The following GRIK2 variants were observed in gnomAD, a reference collection of about 807,000 sequenced individuals.
The protein encoded by GRIK2 is glutamate receptor ionotropic, kainate 2.
A neutral mutation model predicts 100.3 loss-of-function variants in GRIK2; 32 were observed. The observed-to-expected ratio is 0.32, with a 90% CI of 0.24 to 0.43. The LOEUF is 0.43. GRIK2 is among the 20% of genes least tolerant of loss of function. The pLI is 1.00. For missense variants in GRIK2, 843 were observed against 1,114.9 expected (o/e 0.76, Z 3.47); for synonymous variants, 417 against 389.4 (o/e 1.07, Z -0.83).
At chr6:101,501,676 C>T (rs1773750696) in intron 2 of GRIK2, among the ~76,000 whole-genome samples, 1 of 152,190 alleles carries the variant, frequency 6.6e-6, no homozygotes, top group Admixed American at 6.5e-5. Context: ...GTAGAAAGAA[C>T]TATAGTAACC....
chr6:101,968,197 A>G (rs989644911), intron 14 of GRIK2, among the ~76,000 whole-genome samples: 1 of 152,082 alleles, frequency 6.6e-6, no homozygotes, highest in Admixed American at 6.6e-5. Context: ...ATTTTATTCA[A>G]TTATTAATTA....
rs1789919133 is a variant in GRIK2 at position 101,926,565 on chromosome 6, T to A, written c.1867+1846T>A. On this transcript the variant is annotated intron_variant, in intron 13 of 16. Transcript: ENST00000369134. The stretch of plus-strand genomic sequence containing the variant: ...ACTTGCTATTAGTAGTATTTAGGAA[T>A]TAGAGGTAAAACTCTATGTTATTAT... 4.6e-5 allele frequency among the ~76,000 whole-genome samples: 7 copies of A among 152,308 alleles called. 1 individual carries two copies. The South Asian group carries it at 1.4e-3, about 32-fold the overall frequency.
intron 2 of GRIK2, among the ~76,000 whole-genome samples, chr6:101,569,708 CAAA>C (rs1278213232): frequency 2.0e-5 from 3 of 151,818 alleles, no homozygotes; most frequent in African/African-American, 7.3e-5. Context: ...TTAATTTAAA[CAAA>C]AACGCTAATT....
intron 5 of GRIK2, among the ~76,000 whole-genome samples, chr6:101,678,056 T>C (rs914988898): frequency 1.3e-4 from 20 of 152,148 alleles, no homozygotes; most frequent in Admixed American, 3.3e-4. Context: ...AAACAATTCC[T>C]GATCATGGTT....
intron 2 of GRIK2, among the ~76,000 whole-genome samples, chr6:101,475,357 GA>G (rs1562164388): frequency 6.6e-6 from 1 of 151,820 alleles, no homozygotes; most frequent in Non-Finnish European, 1.5e-5. Flanking sequence ...AGAGTCCACC[GA>G]AATGATGGAT....
In GRIK2 at chr6:101,546,110, A is replaced by G. The variant is rs117086880; in HGVS notation, c.116-75839A>G. Among the ~76,000 whole-genome samples, 461 of 152,304 alleles carry G rather than the reference A, an allele frequency of 3.0e-3. 15 individuals are homozygous for G. The East Asian group carries it at 0.04, about 13-fold the overall frequency. Reference sequence around the variant, plus strand: ...TTATTCACTTTTAGATTTCGACTCAAAAGTGCCTGGATTATTTCTGCCTAT... The same window carrying G: ...TTATTCACTTTTAGATTTCGACTCAGAAGTGCCTGGATTATTTCTGCCTAT... On this transcript the variant is annotated intron_variant, in intron 2 of 16. Transcript: ENST00000369134.
chr6:101,549,888 T>C (rs1020349332), intron 2 of GRIK2, among the ~76,000 whole-genome samples: 7 of 152,154 alleles, frequency 4.6e-5, no homozygotes, highest in Non-Finnish European at 1.5e-5. Flanking sequence ...GATAAGAAGA[T>C]ATGGAGTTGT....
chr6:101,719,670 A>C (rs1303832494), intron 7 of GRIK2, among the ~76,000 whole-genome samples: 3 of 152,014 alleles, frequency 2.0e-5, no homozygotes, highest in Admixed American at 2.0e-4. Context: ...GTGATTGCAC[A>C]TTATATGAAT....
chr6:101,534,797 CT>C (rs1775608428), intron 2 of GRIK2, among the ~76,000 whole-genome samples: 1 of 151,792 alleles, frequency 6.6e-6, no homozygotes, highest in African/African-American at 2.4e-5. Flanking sequence ...GTATTTTTCT[CT>C]GACAGAGAAT....
At chr6:101,417,093 G>T (rs962682761) in intron 2 of GRIK2, among the ~76,000 whole-genome samples, 1 of 152,204 alleles carries the variant, frequency 6.6e-6, no homozygotes, top group African/African-American at 2.4e-5. Flanking sequence ...CAATCATGGC[G>T]GAAGTTGAAG....
rs1793815921 is a variant in GRIK2 at position 101,983,126 on chromosome 6, A to G, written c.2086-52215A>G. ...ATCAACGAGCTTGAACTTTCAATTGATTTAATATGTACAGTAAACTGACAG... is the reference window on the plus strand; with the variant it reads ...ATCAACGAGCTTGAACTTTCAATTGGTTTAATATGTACAGTAAACTGACAG... On this transcript the variant is annotated intron_variant, in intron 14 of 16. Coordinates refer to ENST00000369134, the MANE Select transcript of GRIK2 (RefSeq NM_021956.5). 2.6e-5 allele frequency among the ~76,000 whole-genome samples: 4 copies of G among 151,826 alleles called. No individual in the cohort carries two copies. The Admixed American group carries it at 2.6e-4, about 10-fold the overall frequency.
At chr6:101,939,623 A>G (rs910896789) in intron 14 of GRIK2, among the ~76,000 whole-genome samples, 2 of 152,162 alleles carry the variant, frequency 1.3e-5, no homozygotes, top group Admixed American at 6.6e-5. Context: ...ATCTGTTTCC[A>G]TGTACACATT....
intron 2 of GRIK2, among the ~76,000 whole-genome samples, chr6:101,497,871 A>G (rs189518744): frequency 0.073 from 11,045 of 151,824 alleles, 490 homozygotes; most frequent in Middle Eastern, 0.12. Flanking sequence ...ATTTATTATT[A>G]TTATTATTAT....
intron 2 of GRIK2, among the ~76,000 whole-genome samples, chr6:101,432,053 G>T (rs756195013): frequency 2.0e-5 from 3 of 152,042 alleles, no homozygotes. Context: ...ATACTCTTGC[G>T]CATAATTAAG....
intron 7 of GRIK2, among the ~76,000 whole-genome samples, chr6:101,724,209 A>G (rs1774698247): frequency 6.6e-6 from 1 of 151,220 alleles, no homozygotes; most frequent in Non-Finnish European, 1.5e-5. Context: ...CTTTTATTTT[A>G]GATTCAGGGG....
intron 16 of GRIK2, among the ~76,000 whole-genome samples, chr6:102,056,220 A>G (rs896328718): frequency 3.9e-5 from 6 of 151,952 alleles, no homozygotes; most frequent in African/African-American, 9.7e-5. Context: ...AACTTCAAAA[A>G]TATTGAGGCT....
At chr6:101,464,521 TTTTTTTTTTTTTTTG>T (rs1771526666) in intron 2 of GRIK2, among the ~76,000 whole-genome samples, 1 of 95,318 alleles carries the variant, frequency 1.0e-5, no homozygotes, top group African/African-American at 4.4e-5. Flanking sequence ...TTTTTTTTTT[TTTTTTTTTTTTTTTG>T]AGACAGAGTC....
At chr6:101,723,899 T>C (rs1193431111) in intron 7 of GRIK2, among the ~76,000 whole-genome samples, 5 of 151,930 alleles carry the variant, frequency 3.3e-5, no homozygotes, top group Non-Finnish European at 7.4e-5. Context: ...CCTTTCTGCT[T>C]TACCTCTTCT....
chr6:101,942,966 A>T (rs775347986), intron 14 of GRIK2, among the ~76,000 whole-genome samples: 9 of 152,198 alleles, frequency 5.9e-5, no homozygotes, highest in Non-Finnish European at 8.8e-5. Flanking sequence ...TCTCCAAGGC[A>T]TTTCAGAGAT....
Sources: gnomAD v4.1 joint callset for allele counts (sites outside exome capture counted in the v4.1 genomes callset) on GRCh38, gnomAD v4.1.1 for gene constraint, MANE v1.5 for transcripts, NCBI Gene and HGNC (gene_info 2026-07-23, HGNC 2026-07-21) for gene names.